SETD4: variants seen among roughly 807,000 people sequenced by gnomAD.
The protein encoded by SETD4 is SET domain-containing protein 4.
A neutral mutation model predicts 58.3 loss-of-function variants in SETD4; 46 were observed. That is an observed-to-expected ratio of 0.79 (90% CI 0.62 to 1.01). The LOEUF (loss-of-function observed/expected upper bound fraction) is 1.01. SETD4 is among the 50% of genes least tolerant of loss of function. The pLI is 0.00. For missense variants in SETD4, 490 were observed against 523.3 expected (o/e 0.94, Z 0.62); for synonymous variants, 190 against 202.6 (o/e 0.94, Z 0.53).
chr21:36,058,905 C>T lies in SETD4; in HGVS notation c.-17G>A, dbSNP rs1568945029. 1 of 1,573,372 alleles carries T rather than the reference C, an allele frequency of 6.4e-7. No homozygotes were observed. Among genetic ancestry groups the T allele is most frequent in the Non-Finnish European group, 8.6e-7 (1 of 1,165,010 alleles). On this transcript the variant is annotated 5_prime_UTR_variant, in exon 2 of 12. Transcript: ENST00000332131. Reference sequence around the variant, plus strand: ...TTTCTGCATGCTAAAACTGTAGTTTCTTTTTTCTGAAATACAGTTCTATTT... The same window carrying T: ...TTTCTGCATGCTAAAACTGTAGTTTTTTTTTTCTGAAATACAGTTCTATTT...
intron 3 of SETD4, 38 bp from the exon 4 acceptor site, chr21:36,053,658 A>C (rs769094061): frequency 1.2e-6 from 2 of 1,602,432 alleles, no homozygotes; most frequent in African/African-American, 2.7e-5. Flanking sequence ...AAATCCTACC[A>C]TAACTTCAAG....
chr21:36,050,103 T>C (rs1302395930), intron 4 of SETD4: 3 of 658,884 alleles, frequency 4.6e-6, no homozygotes, highest in Non-Finnish European at 5.4e-6. Context: ...CAGAAGCCCC[T>C]GTGCTCAGGA....
At chr21:36,041,257 C>T (rs2123552569) in intron 8 of SETD4, among the ~76,000 whole-genome samples, 1 of 150,320 alleles carries the variant, frequency 6.7e-6, no homozygotes, top group African/African-American at 2.4e-5. Flanking sequence ...AAGAGAAACG[C>T]TTAAGAACTG....
intron 10 of SETD4, chr21:36,036,740 G>A (rs2063799273): frequency 6.5e-6 from 4 of 614,726 alleles, no homozygotes; most frequent in Middle Eastern, 8.0e-4. Flanking sequence ...TTTACTTTTT[G>A]CCTTTTAATA....
chr21:36,036,317 G>A, intron 10 of SETD4, 66 bp from the exon 11 acceptor site: 11 of 675,054 alleles, frequency 1.6e-5, no homozygotes, highest in South Asian at 2.9e-5. Context: ...CAGAACGTAC[G>A]TACCTTTTTA....
chr21:36,039,102 T>C (rs1237647431), intron 9 of SETD4, among the ~76,000 whole-genome samples: 1 of 152,054 alleles, frequency 6.6e-6, no homozygotes, highest in Admixed American at 6.6e-5. Context: ...AGGCTTCAGT[T>C]TCAGAGATGA....
At chr21:36,059,671 G>T (rs1435696047) in intron 1 of SETD4, 2 of 913,770 alleles carry the variant, frequency 2.2e-6, no homozygotes, top group African/African-American at 1.8e-5. Context: ...CTGGGCGACA[G>T]AGCGAGACTC....
chr21:36,058,122 A>G (rs1270470826), intron 2 of SETD4, among the ~76,000 whole-genome samples: 4 of 152,266 alleles, frequency 2.6e-5, no homozygotes, highest in Non-Finnish European at 4.4e-5. Flanking sequence ...AAGACAGTTG[A>G]AACAATGAGT....
chr21:36,052,704 C>G (rs1200878931), intron 4 of SETD4, among the ~76,000 whole-genome samples: 1 of 151,958 alleles, frequency 6.6e-6, no homozygotes, highest in Non-Finnish European at 1.5e-5. Context: ...AAATTAATTT[C>G]TGGCTTCACA....
chr21:36,037,537 G>A (rs56249518), intron 10 of SETD4, among the ~76,000 whole-genome samples: 55,223 of 149,090 alleles, frequency 0.37, 10,262 homozygotes, highest in Admixed American at 0.41. Context: ...CCCAGGAGGC[G>A]GAGGTTGCAG....
At chr21:36,036,379 G>T in intron 10 of SETD4, 128 bp from the exon 11 acceptor site, 8 of 962,072 alleles carry the variant, frequency 8.3e-6, no homozygotes, top group Non-Finnish European at 1.2e-5. Flanking sequence ...ACATTGTTTA[G>T]ATCCACTGCC....
chr21:36,060,229 C>T, intron 1 of SETD4, 118 bp downstream of exon 1: 1 of 624,760 alleles, frequency 1.6e-6, no homozygotes. Flanking sequence ...AGGGGACCTG[C>T]GACCTAAACT....
At position 36,048,276 on chromosome 21, in the gene SETD4, T is replaced by C. The variant is rs77380909; in HGVS notation, c.296+32A>G. The C allele has an allele frequency of 1.3e-3, 2,025 of 1,583,640 alleles. 34 individuals carry two copies. In the African/African-American group the frequency reaches 0.025, roughly 20 times the overall value. On this transcript the variant is annotated intron_variant, in intron 5 of 11. Coordinates refer to ENST00000332131, the MANE Select transcript of SETD4 (RefSeq NM_017438.5). ...TTGACAGACCTTAAGGAGAAGCACT[T>C]GCACCAGGTAAGCAAGTGTGTGGTC...
intron 4 of SETD4, chr21:36,053,372 A>T (rs2064812596): frequency 1.7e-6 from 1 of 604,526 alleles, no homozygotes; most frequent in Admixed American, 2.9e-5. Context: ...GAACAAAATA[A>T]ATTTCCATGC....
At chr21:36,048,863 A>T (rs2064488797) in intron 4 of SETD4, among the ~76,000 whole-genome samples, 1 of 152,000 alleles carries the variant, frequency 6.6e-6, no homozygotes, top group South Asian at 2.1e-4. Context: ...GATTACAGGC[A>T]CCCATCACCA....
chr21:36,056,105 G>A (rs147463990), intron 3 of SETD4, among the ~76,000 whole-genome samples: 1 of 152,238 alleles, frequency 6.6e-6, no homozygotes, highest in African/African-American at 2.4e-5. Flanking sequence ...ATAGAAAATG[G>A]CTCAAATCAA....
intron 5 of SETD4, among the ~76,000 whole-genome samples, chr21:36,046,990 C>T (rs992118081): frequency 2.6e-5 from 4 of 152,146 alleles, no homozygotes; most frequent in African/African-American, 9.7e-5. Context: ...GCACAGTGGC[C>T]GTTTGCCTAT....
chr21:36,036,343 A>G (rs1228792884), intron 10 of SETD4, 92 bp from the exon 11 acceptor site: 5 of 1,242,454 alleles, frequency 4.0e-6, no homozygotes, highest in Non-Finnish European at 5.5e-6. Context: ...TTTTAAGTGT[A>G]TGGTTCAGCA....
At chr21:36,050,235 G>A in intron 4 of SETD4, 1 of 1,372,870 alleles carries the variant, frequency 7.3e-7, no homozygotes, top group Non-Finnish European at 1.0e-6. Flanking sequence ...TTACGTGGCT[G>A]CCAAGTTGTG....
Sources: allele counts gnomAD v4.1 joint callset (sites outside exome capture counted in the v4.1 genomes callset), GRCh38; gene constraint gnomAD v4.1.1; transcripts MANE v1.5; gene names NCBI Gene and HGNC (gene_info 2026-07-23, HGNC 2026-07-21).